RAPGEF6: variants seen among roughly 807,000 people sequenced by gnomAD.
RAPGEF6 encodes Rap guanine nucleotide exchange factor 6, also known as PDZ domain containing guanine nucleotide exchange factor (GEF) 2.
Under a neutral mutation model 171.4 loss-of-function variants are expected in RAPGEF6, and 56 were observed. The ratio of observed to expected loss-of-function variants is 0.33; its 90% CI spans 0.26 to 0.41. The LOEUF is 0.41. Ranked by LOEUF, RAPGEF6 falls within the 10% of genes least tolerant of loss-of-function variation. The pLI is 1.00. For synonymous variants in RAPGEF6, 692 were observed against 650.1 expected, an observed-to-expected ratio of 1.06 and a Z score of -0.98; for missense variants, 1,674 against 1,921.4, an observed-to-expected ratio of 0.87 and a Z score of 2.41.
chr5:131,511,378 A>G (rs1021280436), intron 7 of RAPGEF6: 2 of 152,172 alleles, frequency 1.3e-5, no homozygotes, highest in African/African-American at 4.8e-5. Context: ...CCTAATAAGT[A>G]GAAAGCACTC....
chr5:131,617,391 C>A (rs1765334199), intron 1 of RAPGEF6, among the ~76,000 whole-genome samples: 1 of 152,196 alleles, frequency 6.6e-6, no homozygotes, highest in Non-Finnish European at 1.5e-5. Context: ...CTTGTGTAAA[C>A]TTGGATAATC....
Position 131,487,959 on chromosome 5 carries a change from TAGAA to T in RAPGEF6, c.1840+1583_1840+1586del, listed in dbSNP as rs149434287. Among the ~76,000 whole-genome samples, 1,255 of 152,290 alleles carry T rather than the reference TAGAA, an allele frequency of 8.2e-3. 20 individuals are homozygous for T. Among genetic ancestry groups the T allele is most frequent in the African/African-American group, 0.029 (1,201 of 41,546 alleles). ...TAATAGATAAATTAAAATTCCAGAATAGAAAGAGAGTAAACTGAGATTGCCAGCT... is the reference window on the plus strand; with the variant it reads ...TAATAGATAAATTAAAATTCCAGAATAGAGAGTAAACTGAGATTGCCAGCT... On this transcript the variant is annotated intron_variant, in intron 15 of 27. Coordinates refer to ENST00000509018, the MANE Select transcript of RAPGEF6 (RefSeq NM_016340.6).
chr5:131,577,625 C>T (rs1478433240), intron 4 of RAPGEF6, among the ~76,000 whole-genome samples: 1 of 152,140 alleles, frequency 6.6e-6, no homozygotes, highest in Non-Finnish European at 1.5e-5. Context: ...AGAATCTGAT[C>T]CCTCAAACTC....
At position 131,464,067 on chromosome 5, in the gene RAPGEF6, T is replaced by C; in HGVS notation, c.2454A>G (p.Leu818=). ...TTCCATTGAGTTGAATTCTATCAGC[T>C]AATTTGGAGAACTGATCTGGAAGTC... ...QRRLPDQFSK[L]ADRIQLNGRY... is the part of the protein sequence containing the mutation. Residue 818 remains leucine, a synonymous_variant, in exon 18 of 28, where the codon TTA becomes TTG. Coordinates refer to ENST00000509018, the MANE Select transcript of RAPGEF6 (RefSeq NM_016340.6). The C allele has an allele frequency of 6.2e-7, 1 of 1,605,478 alleles. No homozygotes were observed. Among genetic ancestry groups the C allele is most frequent in the Non-Finnish European group, 8.5e-7 (1 of 1,175,312 alleles).
Position 131,548,269 on chromosome 5 carries a change from C to T in RAPGEF6, c.352-79G>A, listed in dbSNP as rs935315826. On this transcript the variant is annotated intron_variant, in intron 5 of 27. Transcript: ENST00000509018. ...ACAATCTATGGAGTCTTAACAGACTCATAAGGAAGCTTCATTTACTTCTTA... is the reference window on the plus strand; with the variant it reads ...ACAATCTATGGAGTCTTAACAGACTTATAAGGAAGCTTCATTTACTTCTTA... The T allele has an allele frequency of 5.2e-5, 73 of 1,410,280 alleles. No individual in the cohort carries two copies. The African/African-American group carries it at 9.5e-4, about 18-fold the overall frequency. The allele number at this position is 1,410,280 out of a possible 1,614,324, so 87.4% of individuals were successfully genotyped here.
chr5:131,496,167 T>C (rs916498687), intron 12 of RAPGEF6, among the ~76,000 whole-genome samples: 8 of 152,164 alleles, frequency 5.3e-5, no homozygotes, highest in Non-Finnish European at 1.0e-4. Context: ...AGCAAAACCC[T>C]GTCTCTATAA....
At chr5:131,545,779 C>T (rs1480100132) in intron 6 of RAPGEF6, among the ~76,000 whole-genome samples, 1 of 152,060 alleles carries the variant, frequency 6.6e-6, no homozygotes, top group Non-Finnish European at 1.5e-5. Context: ...CTAACATGAC[C>T]AAAAAGCTTC....
intron 23 of RAPGEF6, chr5:131,439,976 A>C (rs908456817): frequency 1.3e-5 from 7 of 531,116 alleles, no homozygotes; most frequent in Non-Finnish European, 1.9e-5. Context: ...AGGGAAATCA[A>C]TTTAACAGTC....
chr5:131,497,215 C>T (rs1166319240), intron 12 of RAPGEF6, among the ~76,000 whole-genome samples: 2 of 152,152 alleles, frequency 1.3e-5, no homozygotes, highest in Non-Finnish European at 2.9e-5. Context: ...CATGTTTAAA[C>T]TGTGCTGTCT....
chr5:131,529,021 C>G (rs1463875764), intron 6 of RAPGEF6, among the ~76,000 whole-genome samples: 1 of 152,070 alleles, frequency 6.6e-6, no homozygotes, highest in Admixed American at 6.6e-5. Flanking sequence ...CTTCCTCCAC[C>G]CAGTAAACAG....
chr5:131,506,106 C>T (rs1406224079), intron 9 of RAPGEF6, among the ~76,000 whole-genome samples: 1 of 152,166 alleles, frequency 6.6e-6, no homozygotes, highest in African/African-American at 2.4e-5. Context: ...ATAATGCCTT[C>T]ATTTATATGG....
intron 5 of RAPGEF6, among the ~76,000 whole-genome samples, chr5:131,551,377 G>T (rs1462920708): frequency 2.0e-5 from 3 of 151,902 alleles, no homozygotes; most frequent in Admixed American, 2.0e-4. Context: ...GCCAGGCGCG[G>T]TGGCAGGCGC....
At position 131,562,059 on chromosome 5, in the gene RAPGEF6, G is replaced by C; in HGVS notation, c.282-12C>G. The C allele has an allele frequency of 6.6e-7, 1 of 1,525,292 alleles. No homozygotes were observed. The highest frequency in any genetic ancestry group is 8.9e-7 in the Non-Finnish European group (1 of 1,125,626). 94.5% of individuals were successfully genotyped at this position (1,525,292 alleles called of 1,614,324 possible). A position where few individuals can be genotyped will look rare whatever the true frequency, so the allele number is the denominator to read the frequency against. On this transcript the variant is annotated splice_polypyrimidine_tract_variant and intron_variant, in intron 4 of 27. Coordinates refer to ENST00000509018, the MANE Select transcript of RAPGEF6 (RefSeq NM_016340.6). The stretch of plus-strand genomic sequence containing the variant: ...ACTGCTTACCAAAACTATAAAAACA[G>C]AAAAACAATTTCTTTAGCAAAGGTT...
At position 131,461,664 on chromosome 5, in the gene RAPGEF6, C is replaced by T. The variant is rs552000588; in HGVS notation, c.2864+41G>A. On this transcript the variant is annotated intron_variant, in intron 19 of 27. Transcript: ENST00000509018. ...GTAGAAAATCAGCTGCATGTAATGA[C>T]AAAACCATACAGACATTTGTACCTA... 559 of 1,526,846 alleles carry T rather than the reference C, an allele frequency of 3.7e-4. 11 individuals are homozygous for T. The South Asian group carries it at 6.9e-3, about 19-fold the overall frequency. 94.6% of individuals were successfully genotyped at this position (1,526,846 alleles called of 1,614,324 possible). A position where few individuals can be genotyped will look rare whatever the true frequency, so the allele number is the denominator to read the frequency against.
intron 4 of RAPGEF6, among the ~76,000 whole-genome samples, chr5:131,566,585 C>T (rs1290540945): frequency 6.6e-6 from 1 of 152,058 alleles, no homozygotes; most frequent in Non-Finnish European, 1.5e-5. Context: ...TAATACTGGA[C>T]TAACAGAAAT....
rs570406554 is a variant in RAPGEF6, at chr5:131,559,337, A to AATAAAC, written c.351+2640_351+2641insGTTTAT. ...GAGCAAAACTCCATCACAAAATGAAAATAAAAATAAAAATAAAAATAAAAA... is the reference window on the plus strand; with the variant it reads ...GAGCAAAACTCCATCACAAAATGAAAATAAACATAAAAATAAAAATAAAAATAAAAA... On this transcript the variant is annotated intron_variant, in intron 5 of 27. Coordinates refer to ENST00000509018, the MANE Select transcript of RAPGEF6 (RefSeq NM_016340.6). 5.2e-4 allele frequency among the ~76,000 whole-genome samples: 79 copies of AATAAAC among 152,148 alleles called. 2 individuals carry two copies. The East Asian group carries it at 0.014, about 26-fold the overall frequency.
Position 131,428,890 on chromosome 5 carries a change from T to G in RAPGEF6, c.4780+12A>C. ...TTCATTTAAGAGCCTTTAAGAGAGC[T>G]TGTCAACATACCATCTGCTTCGCTA... On this transcript the variant is annotated intron_variant, in intron 27 of 27. Coordinates refer to ENST00000509018, the MANE Select transcript of RAPGEF6 (RefSeq NM_016340.6). 1 of 1,607,882 alleles carries G rather than the reference T, an allele frequency of 6.2e-7. No individual in the cohort carries two copies. Among genetic ancestry groups the G allele is most frequent in the Non-Finnish European group, 8.5e-7 (1 of 1,175,146 alleles).
At chr5:131,603,792 C>T (rs1764391117) in intron 2 of RAPGEF6, among the ~76,000 whole-genome samples, 1 of 151,808 alleles carries the variant, frequency 6.6e-6, no homozygotes, top group Non-Finnish European at 1.5e-5. Flanking sequence ...AATTATTTGG[C>T]ATACACTAAC....
At position 131,487,329 on chromosome 5, in the gene RAPGEF6, C is replaced by A. The variant is rs112727847; in HGVS notation, c.1840+2217G>T. The stretch of plus-strand genomic sequence containing the variant: ...AAAGCTTCCAGAGGGTGGAAGGGGA[C>A]CCTGGCAGCTTGCCCCTGCTGGCTG... On this transcript the variant is annotated intron_variant, in intron 15 of 27. Coordinates refer to ENST00000509018, the MANE Select transcript of RAPGEF6 (RefSeq NM_016340.6). Among the ~76,000 whole-genome samples the A allele has an allele frequency of 1.8e-3, 269 of 152,332 alleles. 1 individual carries two copies. Among genetic ancestry groups the A allele is most frequent in the African/African-American group, 5.8e-3 (242 of 41,584 alleles).
Sources: allele counts gnomAD v4.1 joint callset (sites outside exome capture counted in the v4.1 genomes callset), GRCh38; gene constraint gnomAD v4.1.1; transcripts MANE v1.5; gene names NCBI Gene and HGNC (gene_info 2026-07-23, HGNC 2026-07-21).